The following ANKRD12 variants were observed in gnomAD, a reference collection of about 807,000 sequenced individuals.
ANKRD12 encodes ankyrin repeat domain-containing protein 12.
ANKRD12 carries 85 observed loss-of-function variants against 183.4 expected under a neutral mutation model. That is an observed-to-expected ratio of 0.46 (90% CI 0.39 to 0.56). ANKRD12 has a LOEUF of 0.56. ANKRD12 is among the 20% of genes least tolerant of loss of function. The pLI is 0.00. For synonymous variants in ANKRD12, 914 were observed against 800.2 expected (o/e 1.14, Z -2.40); for missense variants, 2,405 against 2,357.1 (o/e 1.02, Z -0.42).
intron 1 of ANKRD12, among the ~76,000 whole-genome samples, chr18:9,178,733 A>G (rs898921139): frequency 4.6e-5 from 7 of 152,320 alleles, no homozygotes; most frequent in Non-Finnish European, 1.0e-4. Context: ...TTTATAGAGC[A>G]ATTTGGAGAG....
chr18:9,247,171 T>C (rs1238675571), intron 8 of ANKRD12, among the ~76,000 whole-genome samples: 1 of 151,744 alleles, frequency 6.6e-6, no homozygotes, highest in Admixed American at 6.6e-5. Context: ...TTTGTTTGTT[T>C]TGCCATAGAG....
chr18:9,263,925 AACTGG>A, intron 10 of ANKRD12, 37 bp downstream of exon 10: 1 of 1,313,694 alleles, frequency 7.6e-7, no homozygotes, highest in Non-Finnish European at 1.0e-6. Context: ...TGCTAAAAAT[AACTGG>A]TTTCTAGCAA....
At position 9,257,534 on chromosome 18, in the gene ANKRD12, G is replaced by A. The variant is rs2038710139; in HGVS notation, c.4267G>A (p.Val1423Ile). Residue 1423 changes from valine (V) to isoleucine (I), a missense_variant, in exon 9 of 13, where the codon GTT becomes ATT. Coordinates refer to ENST00000262126, the MANE Select transcript of ANKRD12 (RefSeq NM_015208.5). Reference protein sequence around the residue: ...VIQNKSWEMPVDRLETLSTRD... With the variant: ...VIQNKSWEMPIDRLETLSTRD... ...CCAGAATAAATCATGGGAGATGCCT[G>A]TTGATAGACTAGAGACATTAAGCAC... 1 of 1,614,116 alleles carries A rather than the reference G, an allele frequency of 6.2e-7. No homozygotes were observed. Among genetic ancestry groups the A allele is most frequent in the Non-Finnish European group, 8.5e-7 (1 of 1,179,988 alleles).
Position 9,149,313 on chromosome 18 carries a change from A to T in ANKRD12, c.-52+12348A>T, listed in dbSNP as rs1470593565. On this transcript the variant is annotated intron_variant, in intron 1 of 12. Coordinates refer to ENST00000262126, the MANE Select transcript of ANKRD12 (RefSeq NM_015208.5). ...TTGCATGAGCAAACTAGGATATGAT[A>T]GCTAAAGGAAATACCCACACTTAAA... is the stretch of plus-strand genomic sequence containing the variant. Among the ~76,000 whole-genome samples the T allele has an allele frequency of 3.9e-5, 6 of 152,380 alleles. No homozygotes were observed. The East Asian group carries it at 1.2e-3, about 29-fold the overall frequency.
In ANKRD12 at chr18:9,285,538, G is replaced by A. The variant is rs2040201662; in HGVS notation, c.*4412G>A. ...CAAGAGAATATCAATAACTTTCTCAGTTTTTTTTCATTGTTATAGTCTGTA... is the reference window on the plus strand; with the variant it reads ...CAAGAGAATATCAATAACTTTCTCAATTTTTTTTCATTGTTATAGTCTGTA... On this transcript the variant is annotated 3_prime_UTR_variant, in exon 13 of 13. Coordinates refer to ENST00000262126, the MANE Select transcript of ANKRD12 (RefSeq NM_015208.5). The A allele has an allele frequency of 6.6e-6, 1 of 151,468 alleles. No individual in the cohort carries two copies. The highest frequency in any genetic ancestry group is 2.4e-5 in the African/African-American group (1 of 41,238). 9.4% of individuals were successfully genotyped at this position (151,468 alleles called of 1,614,324 possible). A position where few individuals can be genotyped will look rare whatever the true frequency, so the allele number is the denominator to read the frequency against.
chr18:9,173,124 C>T (rs902050825), intron 1 of ANKRD12, among the ~76,000 whole-genome samples: 13 of 148,702 alleles, frequency 8.7e-5, no homozygotes, highest in Non-Finnish European at 1.9e-4. Context: ...GGCTGGAGTG[C>T]AGTGGCACAA....
intron 3 of ANKRD12, among the ~76,000 whole-genome samples, chr18:9,199,187 G>A (rs2035023464): frequency 6.6e-6 from 1 of 152,054 alleles, no homozygotes; most frequent in Non-Finnish European, 1.5e-5. Flanking sequence ...CCAGCTACTC[G>A]GGATGCTGAT....
chr18:9,203,393 C>T (rs1036212162), intron 3 of ANKRD12, among the ~76,000 whole-genome samples: 8 of 152,022 alleles, frequency 5.3e-5, no homozygotes, highest in African/African-American at 1.9e-4. Context: ...TACTGTGTAA[C>T]AGTGATCCTG....
intron 8 of ANKRD12, among the ~76,000 whole-genome samples, chr18:9,248,078 G>A (rs906460872): frequency 5.3e-5 from 8 of 152,292 alleles, no homozygotes; most frequent in Middle Eastern, 3.4e-3. Flanking sequence ...ATGAGCCACC[G>A]TGCCCAACCC....
intron 8 of ANKRD12, among the ~76,000 whole-genome samples, chr18:9,224,147 C>T (rs537106787): frequency 5.3e-5 from 8 of 152,016 alleles, no homozygotes; most frequent in Non-Finnish European, 1.2e-4. Context: ...GAGTGGAAAT[C>T]CATAAACATC....
intron 1 of ANKRD12, among the ~76,000 whole-genome samples, chr18:9,180,343 A>T (rs1331008912): frequency 1.3e-5 from 2 of 152,072 alleles, no homozygotes; most frequent in Non-Finnish European, 2.9e-5. Context: ...ATTTTAACCT[A>T]CCTATTATTA....
intron 1 of ANKRD12, among the ~76,000 whole-genome samples, chr18:9,163,904 C>T (rs1461263634): frequency 1.3e-5 from 2 of 152,114 alleles, no homozygotes; most frequent in East Asian, 1.9e-4. Flanking sequence ...GCTGAAGTTG[C>T]TTATCAGCTT....
chr18:9,280,868 C>T, intron 12 of ANKRD12, 73 bp from the exon 13 acceptor site: 1 of 1,432,110 alleles, frequency 7.0e-7, no homozygotes, highest in Non-Finnish European at 9.6e-7. Context: ...CCTAAAGAAA[C>T]TGGATGAGAT....
rs1216666915 is a variant in ANKRD12, at chr18:9,248,325, C to G, written c.944-5886C>G. The stretch of plus-strand genomic sequence containing the variant: ...TTGTGGCACTCAGTATTGACATAAA[C>G]TTGCTGTACAATTATTAAAATCATT... On this transcript the variant is annotated intron_variant, in intron 8 of 12. Coordinates refer to ENST00000262126, the MANE Select transcript of ANKRD12 (RefSeq NM_015208.5). 2.0e-5 allele frequency among the ~76,000 whole-genome samples: 3 copies of G among 152,334 alleles called. 1 individual carries two copies. In the South Asian group the frequency reaches 6.2e-4, roughly 32 times the overall value.
At chr18:9,191,316 T>G (rs888799657) in intron 2 of ANKRD12, among the ~76,000 whole-genome samples, 1 of 152,240 alleles carries the variant, frequency 6.6e-6, no homozygotes, top group African/African-American at 2.4e-5. Flanking sequence ...AACATTTCTT[T>G]TGAAAGAAAA....
chr18:9,182,539 A>C lies in ANKRD12; in HGVS notation c.87+20A>C. On this transcript the variant is annotated intron_variant, in intron 2 of 12. Coordinates refer to ENST00000262126, the MANE Select transcript of ANKRD12 (RefSeq NM_015208.5). ...AGAAAGGTATATGATTATACTAAAG[A>C]TTTGTTGACTTTTTGAACTGGGAAA... 1 of 1,485,216 alleles carries C rather than the reference A, an allele frequency of 6.7e-7. No individual in the cohort carries two copies. Among genetic ancestry groups the C allele is most frequent in the Non-Finnish European group, 9.1e-7 (1 of 1,099,296 alleles). 92.0% of individuals were successfully genotyped at this position (1,485,216 alleles called of 1,614,324 possible). A position where few individuals can be genotyped will look rare whatever the true frequency, so the allele number is the denominator to read the frequency against.
chr18:9,269,878 A>G (rs2039502165), intron 10 of ANKRD12, among the ~76,000 whole-genome samples: 1 of 152,230 alleles, frequency 6.6e-6, no homozygotes, highest in Non-Finnish European at 1.5e-5. Context: ...TTATCTAACA[A>G]AGGGCTAATA....
intron 3 of ANKRD12, among the ~76,000 whole-genome samples, chr18:9,203,955 C>T (rs1428414019): frequency 6.6e-6 from 1 of 152,172 alleles, no homozygotes; most frequent in Non-Finnish European, 1.5e-5. Context: ...AGGTTACTTT[C>T]TTTCCAGACG....
intron 1 of ANKRD12, among the ~76,000 whole-genome samples, chr18:9,181,881 G>A (rs2033724510): frequency 6.6e-6 from 1 of 151,704 alleles, no homozygotes; most frequent in South Asian, 2.1e-4. Context: ...TCAGTGAGTA[G>A]TTTGATAAAG....
Sources: gnomAD v4.1 joint callset for allele counts (sites outside exome capture counted in the v4.1 genomes callset) on GRCh38, gnomAD v4.1.1 for gene constraint, MANE v1.5 for transcripts, NCBI Gene and HGNC (gene_info 2026-07-23, HGNC 2026-07-21) for gene names.